DCT: variants seen among roughly 807,000 people sequenced by gnomAD.
DCT encodes the protein L-dopachrome tautomerase.
DCT carries 47 observed loss-of-function variants against 53.0 expected under a neutral mutation model. The ratio of observed to expected loss-of-function variants is 0.89; its 90% confidence interval spans 0.70 to 1.13. The LOEUF is 1.13. Ranked by LOEUF, DCT falls within the 50% of genes most tolerant of loss-of-function variation. The pLI, the probability that DCT is intolerant of heterozygous loss-of-function variation, is 0.00. For missense variants in DCT, 669 were observed against 637.4 expected, an observed-to-expected ratio of 1.05 and a Z score of -0.53; for synonymous variants, 244 against 237.0, an observed-to-expected ratio of 1.03 and a Z score of -0.27.
At chr13:94,494,245 C>G in the DCT span, among the ~76,000 whole-genome samples, 2 of 152,110 alleles carry the variant, frequency 1.3e-5, no homozygotes, top group East Asian at 3.9e-4. Flanking sequence ...TTGGCCTCCC[C>G]GATCCTGGCT....
the DCT span, among the ~76,000 whole-genome samples, chr13:94,521,351 AAAAG>A: frequency 3.1e-3 from 473 of 152,364 alleles, 2 homozygotes; most frequent in African/African-American, 0.011. Flanking sequence ...ATGAGTTTAA[AAAAG>A]AAAGATACAT....
At chr13:94,524,589 A>G in the DCT span, among the ~76,000 whole-genome samples, 1 of 152,198 alleles carries the variant, frequency 6.6e-6, no homozygotes, top group Non-Finnish European at 1.5e-5. Flanking sequence ...TTCTCCTTCC[A>G]TGAAAAGAGA....
At chr13:94,512,267 G>A in the DCT span, among the ~76,000 whole-genome samples, 4 of 152,202 alleles carry the variant, frequency 2.6e-5, no homozygotes, top group Non-Finnish European at 5.9e-5. Flanking sequence ...TAACTTTATA[G>A]AAGTATATTG....
At chr13:94,545,875 A>T in the DCT span, among the ~76,000 whole-genome samples, 3 of 151,884 alleles carry the variant, frequency 2.0e-5, no homozygotes, top group African/African-American at 7.3e-5. Flanking sequence ...GGCCTGGCCT[A>T]ACTCTTCCCC....
chr13:94,453,989 G>A (rs1458683818), intron 6 of DCT, among the ~76,000 whole-genome samples: 1 of 152,022 alleles, frequency 6.6e-6, no homozygotes, highest in Non-Finnish European at 1.5e-5. Flanking sequence ...GTAATTGTGA[G>A]CTTTTGATTT....
chr13:94,537,912 C>T, the DCT span, among the ~76,000 whole-genome samples: 1 of 152,118 alleles, frequency 6.6e-6, no homozygotes, highest in Non-Finnish European at 1.5e-5. Flanking sequence ...TGGTGACCCA[C>T]CATTGGCAGG....
chr13:94,448,055 C>G (rs1882844927), intron 6 of DCT, among the ~76,000 whole-genome samples: 2 of 151,950 alleles, frequency 1.3e-5, no homozygotes, highest in Admixed American at 6.6e-5. Context: ...CGAGACCAGC[C>G]CCAGCAACAG....
At chr13:94,532,137 C>G in the DCT span, among the ~76,000 whole-genome samples, 2 of 152,200 alleles carry the variant, frequency 1.3e-5, no homozygotes, top group Non-Finnish European at 2.9e-5. Flanking sequence ...CAGGAAACAA[C>G]AGATGCTGGA....
chr13:94,500,320 A>G, the DCT span, among the ~76,000 whole-genome samples: 1 of 152,214 alleles, frequency 6.6e-6, no homozygotes. Context: ...GGCAGCAGGC[A>G]AGAGAGAAAA....
chr13:94,492,478 C>T, the DCT span, among the ~76,000 whole-genome samples: 1 of 152,180 alleles, frequency 6.6e-6, no homozygotes, highest in African/African-American at 2.4e-5. Flanking sequence ...ACTGGCTATG[C>T]CTGGGGGCTT....
intron 7 of DCT, among the ~76,000 whole-genome samples, chr13:94,442,124 C>T (rs780018786): frequency 6.6e-6 from 1 of 152,038 alleles, no homozygotes; most frequent in African/African-American, 2.4e-5. Flanking sequence ...TAAATTTGAA[C>T]TTAATTCGAG....
chr13:94,479,107 T>C lies in DCT; in HGVS notation c.149A>G (p.Asn50Ser), dbSNP rs745558762. Residue 50 changes from asparagine to serine, a missense_variant, in exon 1 of 8, where the codon AAT (asparagine) becomes AGT (serine). Asn to Ser is a conservative substitution (Grantham distance 46). Transcript: ENST00000377028. ...CCGGCCTTGCTGAGAGCCACAGACA[T>C]TGGCCGACTCTGCACCCAGGCGTGG... ...CCPRLGAESA[N>S]VCGSQQGRGQ... 4 of 1,614,170 alleles carry C rather than the reference T, an allele frequency of 2.5e-6. No individual in the cohort carries two copies. The highest frequency in any genetic ancestry group is 3.4e-6 in the Non-Finnish European group (4 of 1,180,026).
At position 94,439,011 on chromosome 13, in the gene DCT, G is replaced by A. The variant is rs569019130; in HGVS notation, c.*887C>T. On this transcript the variant is annotated 3_prime_UTR_variant, in exon 8 of 8. Coordinates refer to ENST00000377028, the MANE Select transcript of DCT (RefSeq NM_001922.5). ...TGGGACTCAAGTCAAATTGTCTCATGTTCAGGTTTACAGCCTCACCAGCCT... is the reference window on the plus strand; with the variant it reads ...TGGGACTCAAGTCAAATTGTCTCATATTCAGGTTTACAGCCTCACCAGCCT... The A allele has an allele frequency of 5.2e-6, 1 of 193,024 alleles. No homozygotes were observed. The highest frequency in any genetic ancestry group is 1.6e-4 in the East Asian group (1 of 6,272). 12.0% of individuals were successfully genotyped at this position (193,024 alleles called of 1,614,324 possible).
At chr13:94,529,814 GACCCAACAA>G in the DCT span, among the ~76,000 whole-genome samples, 1 of 152,160 alleles carries the variant, frequency 6.6e-6, no homozygotes, top group Non-Finnish European at 1.5e-5. Context: ...AGGAGATAGA[GACCCAACAA>G]ACCCTTCCAA....
chr13:94,513,117 G>T, the DCT span, among the ~76,000 whole-genome samples: 1 of 152,216 alleles, frequency 6.6e-6, no homozygotes, highest in African/African-American at 2.4e-5. Context: ...CCTGATTCAC[G>T]TCTGTGCTTT....
At chr13:94,485,331 C>T in the DCT span, among the ~76,000 whole-genome samples, 2 of 152,200 alleles carry the variant, frequency 1.3e-5, no homozygotes, top group Non-Finnish European at 2.9e-5. Flanking sequence ...TTAGAGACTC[C>T]GAGCATCATC....
chr13:94,484,737 G>A, the DCT span, among the ~76,000 whole-genome samples: 52 of 152,010 alleles, frequency 3.4e-4, no homozygotes, highest in East Asian at 8.5e-3. Context: ...TTTTTTATAC[G>A]AACACTGGTC....
chr13:94,517,296 T>G, the DCT span, among the ~76,000 whole-genome samples: 3 of 152,214 alleles, frequency 2.0e-5, no homozygotes, highest in Non-Finnish European at 4.4e-5. Flanking sequence ...CAATGAGGCT[T>G]CAAGGTCCAT....
At chr13:94,467,660 A>C (rs1178534339) in intron 2 of DCT, 1 of 152,220 alleles carries the variant, frequency 6.6e-6, no homozygotes, top group African/African-American at 2.4e-5. Context: ...GATGTTGGCT[A>C]CACGGCCCTT....
Sources: allele counts gnomAD v4.1 joint callset (sites outside exome capture counted in the v4.1 genomes callset), GRCh38; gene constraint gnomAD v4.1.1; transcripts MANE v1.5; gene names NCBI Gene and HGNC (gene_info 2026-07-23, HGNC 2026-07-21).